C10orf67: variants seen among roughly 807,000 people sequenced by gnomAD.
C10orf67 encodes uncharacterized protein C10orf67, mitochondrial.
Under a neutral mutation model 35.6 loss-of-function variants are expected in C10orf67, and 60 were observed. The observed-to-expected ratio is 1.68, with a 90% confidence interval of 1.37 to 2.09. The LOEUF is 2.09. Ranked by LOEUF, C10orf67 falls within the 30% of genes most tolerant of loss-of-function variation. The pLI is 0.00. For synonymous variants in C10orf67, 167 were observed against 115.8 expected (o/e 1.44, Z -2.84); for missense variants, 474 against 330.2 (o/e 1.44, Z -3.38).
At chr10:23,248,116 C>T (rs375665024) in intron 12 of C10orf67, among the ~76,000 whole-genome samples, 2 of 152,062 alleles carry the variant, frequency 1.3e-5, no homozygotes, top group African/African-American at 2.4e-5. Flanking sequence ...CAGAGTGGCA[C>T]GGGAACCACC....
chr10:23,304,640 G>A (rs1844206001), intron 4 of C10orf67, among the ~76,000 whole-genome samples: 1 of 152,144 alleles, frequency 6.6e-6, no homozygotes, highest in African/African-American at 2.4e-5. Context: ...CAGTCTCAGT[G>A]TAAGCCATGA....
chr10:23,219,433 C>T (rs753345590), intron 15 of C10orf67, among the ~76,000 whole-genome samples: 3 of 152,204 alleles, frequency 2.0e-5, no homozygotes, highest in Non-Finnish European at 2.9e-5. Flanking sequence ...TTCTTGAGTA[C>T]ATAAAATCTG....
At chr10:23,340,539 T>G (rs1845846236) in intron 1 of C10orf67, among the ~76,000 whole-genome samples, 2 of 152,004 alleles carry the variant, frequency 1.3e-5, no homozygotes, top group Admixed American at 6.6e-5. Context: ...TTCTTCTAAC[T>G]CCCTGATGAG....
At chr10:23,320,924 C>G (rs781070349) in intron 3 of C10orf67, 109 bp from the exon 4 acceptor site, 11 of 702,932 alleles carry the variant, frequency 1.6e-5, no homozygotes, top group Non-Finnish European at 2.6e-5. Flanking sequence ...TCATCACAAT[C>G]TATTGAAAAC....
chr10:23,258,057 T>C (rs1306945842), intron 10 of C10orf67, among the ~76,000 whole-genome samples: 1 of 152,184 alleles, frequency 6.6e-6, no homozygotes, highest in African/African-American at 2.4e-5. Context: ...CAATCAGAAA[T>C]ATGAGGCAGC....
chr10:23,291,362 A>G (rs1843714758), intron 5 of C10orf67, 83 bp from the exon 6 acceptor site: 1 of 619,310 alleles, frequency 1.6e-6, no homozygotes, highest in African/African-American at 1.8e-5. Context: ...GATACAGAAA[A>G]GCTATCATAT....
At chr10:23,267,901 C>CA (rs1214396418) in intron 8 of C10orf67, among the ~76,000 whole-genome samples, 25 of 138,914 alleles carry the variant, frequency 1.8e-4, no homozygotes, top group Admixed American at 1.2e-3. Flanking sequence ...AACTCAGTCT[C>CA]AAAAAAAAGA....
At position 23,291,139 on chromosome 10, in the gene C10orf67, T is replaced by C. The variant is rs1172604862; in HGVS notation, c.843A>G (p.Ser281=). The change falls in exon 6 of 16, where the codon TCA becomes TCG. Residue 281 remains serine, a synonymous_variant. Transcript: ENST00000636213. ...EEIQINLKEN[S]GLEDELISMK... Reference sequence around the variant, plus strand: ...GTGATTTCAAAATGTTACCTAATCCTGAATTTTCTTTTAGATTGATCTGGA... The same window carrying C: ...GTGATTTCAAAATGTTACCTAATCCCGAATTTTCTTTTAGATTGATCTGGA... The C allele has an allele frequency of 1.4e-6, 1 of 708,426 alleles. No homozygotes were observed. 43.9% of individuals were successfully genotyped at this position (708,426 alleles called of 1,614,324 possible).
chr10:23,239,584 C>T, intron 13 of C10orf67, 145 bp downstream of exon 13: 1 of 454,502 alleles, frequency 2.2e-6, no homozygotes, highest in Non-Finnish European at 4.1e-6. Flanking sequence ...TTTGTCTTAA[C>T]ACCCTCAGCA....
At chr10:23,269,028 T>G (rs1842953203) in intron 8 of C10orf67, among the ~76,000 whole-genome samples, 1 of 152,224 alleles carries the variant, frequency 6.6e-6, no homozygotes, top group Admixed American at 6.5e-5. Flanking sequence ...TTAACCTTTG[T>G]TGTAATGGTT....
intron 1 of C10orf67, among the ~76,000 whole-genome samples, chr10:23,336,772 C>T (rs1487026189): frequency 6.6e-6 from 1 of 152,046 alleles, no homozygotes; most frequent in African/African-American, 2.4e-5. Flanking sequence ...CTCGGCCTCC[C>T]AAAGTGCTGG....
intron 13 of C10orf67, among the ~76,000 whole-genome samples, chr10:23,237,069 G>A (rs1323617876): frequency 2.0e-5 from 3 of 152,038 alleles, no homozygotes; most frequent in Non-Finnish European, 2.9e-5. Context: ...AGGCCCCCAT[G>A]TCTGTTCCTT....
At chr10:23,241,375 A>G (rs1842171290) in intron 12 of C10orf67, among the ~76,000 whole-genome samples, 1 of 152,194 alleles carries the variant, frequency 6.6e-6, no homozygotes, top group African/African-American at 2.4e-5. Flanking sequence ...GAAGCTGATA[A>G]CACTTAGATG....
At chr10:23,260,490 A>G (rs1388521129) in intron 10 of C10orf67, among the ~76,000 whole-genome samples, 1 of 152,232 alleles carries the variant, frequency 6.6e-6, no homozygotes, top group Admixed American at 6.5e-5. Flanking sequence ...TGTGACAAGT[A>G]TATCAATTTC....
intron 12 of C10orf67, 22 bp downstream of exon 12, chr10:23,250,433 A>C: frequency 2.5e-6 from 1 of 398,484 alleles, no homozygotes; most frequent in Non-Finnish European, 4.4e-6. Flanking sequence ...TAGAAATAGA[A>C]TTTGTATATT....
chr10:23,229,321 A>T (rs1451424010), intron 13 of C10orf67, among the ~76,000 whole-genome samples: 2 of 151,620 alleles, frequency 1.3e-5, no homozygotes, highest in African/African-American at 4.8e-5. Context: ...TTCTCAGCAA[A>T]CTATCACAAG....
intron 13 of C10orf67, among the ~76,000 whole-genome samples, chr10:23,238,096 C>T (rs917610213): frequency 6.6e-6 from 1 of 152,192 alleles, no homozygotes; most frequent in Non-Finnish European, 1.5e-5. Flanking sequence ...CAGTCTGTCA[C>T]CTCATGGAAT....
chr10:23,231,138 G>T (rs1264399750), intron 13 of C10orf67, among the ~76,000 whole-genome samples: 1 of 151,986 alleles, frequency 6.6e-6, no homozygotes. Context: ...TTTTTGTAGA[G>T]ACAGAGTCTC....
At chr10:23,316,985 C>T (rs66615923) in intron 4 of C10orf67, 4,354 of 152,476 alleles carry the variant, frequency 0.029, 84 homozygotes, top group Middle Eastern at 0.082. Context: ...TCAGGCCACC[C>T]CTGGGTTGAA....
Sources: gnomAD v4.1 joint callset for allele counts (sites outside exome capture counted in the v4.1 genomes callset) on GRCh38, gnomAD v4.1.1 for gene constraint, MANE v1.5 for transcripts, NCBI Gene and HGNC (gene_info 2026-07-23, HGNC 2026-07-21) for gene names.